Variants in EIPR1 observed in about 807,000 individuals in gnomAD.
EIPR1 encodes EARP and GARP complex-interacting protein 1.
Under a neutral mutation model 48.1 loss-of-function variants are expected in EIPR1, and 25 were observed. The observed-to-expected ratio is 0.52, with a 90% CI of 0.38 to 0.73. EIPR1 has a LOEUF of 0.73. Among genes scored for constraint, EIPR1 ranks in the 30% least tolerant of loss-of-function variants. The pLI is 0.00. For missense variants in EIPR1, 415 were observed against 506.2 expected (o/e 0.82, Z 1.73); for synonymous variants, 204 against 201.9 (o/e 1.01, Z -0.09).
At position 3,286,229 on chromosome 2, in the gene EIPR1, A is replaced by C. The variant is rs1668181373; in HGVS notation, c.260-28774T>G. On this transcript the variant is annotated intron_variant, in intron 3 of 8. Transcript: ENST00000382125. The surrounding 1 kb of genome is among the most constrained non-coding windows in gnomAD (Gnocchi z 4.2). The stretch of plus-strand genomic sequence containing the variant: ...AGCACAAAAGGTTGTTTTTATGCTA[A>C]TAAAAAAAAATAGGTTGGCCTCATT... Among the ~76,000 whole-genome samples the C allele has an allele frequency of 6.6e-6, 1 of 152,186 alleles. No homozygotes were observed. The highest frequency in any genetic ancestry group is 1.5e-5 in the Non-Finnish European group (1 of 68,028).
intron 1 of EIPR1, among the ~76,000 whole-genome samples, chr2:3,369,725 C>G (rs916658509): frequency 6.6e-6 from 1 of 152,230 alleles, no homozygotes; most frequent in Admixed American, 6.5e-5. Flanking sequence ...GTAAACAAAG[C>G]AGCCGGGAAG....
chr2:3,224,764 A>G (rs373044345), intron 4 of EIPR1, among the ~76,000 whole-genome samples: 3 of 152,218 alleles, frequency 2.0e-5, no homozygotes, highest in Admixed American at 6.5e-5. Flanking sequence ...CGAGCTGAAC[A>G]TCGGGCTCAC....
chr2:3,201,296 T>C (rs898660057), intron 5 of EIPR1, among the ~76,000 whole-genome samples: 28 of 152,260 alleles, frequency 1.8e-4, no homozygotes, highest in Admixed American at 5.2e-4. Context: ...GGAGGTAGAC[T>C]GGCACAGCCG....
chr2:3,248,399 G>A (rs1666905457), intron 4 of EIPR1, among the ~76,000 whole-genome samples: 1 of 152,228 alleles, frequency 6.6e-6, no homozygotes, highest in Admixed American at 6.5e-5. Flanking sequence ...TTCGAGACCA[G>A]CCTGGCCAAC....
In EIPR1 at chr2:3,189,137, G is replaced by A. The variant is rs975256543; in HGVS notation, c.*197C>T. On this transcript the variant is annotated 3_prime_UTR_variant, in exon 9 of 9. Coordinates refer to ENST00000382125, the MANE Select transcript of EIPR1 (RefSeq NM_003310.5). The surrounding 1 kb of genome is among the most constrained non-coding windows in gnomAD (Gnocchi z 4.6). ...CTCTGTCTCTGCCGACAGGGGCTGG[G>A]TTCGGGCATTAGCTGTGCCGTCGAC... The A allele has an allele frequency of 5.7e-5, 26 of 454,722 alleles. No individual in the cohort carries two copies. The highest frequency in any genetic ancestry group is 9.8e-5 in the Non-Finnish European group (26 of 265,816). The allele number at this position is 454,722 out of a possible 1,614,324, so 28.2% of individuals were successfully genotyped here.
At chr2:3,238,765 T>C (rs2103181324) in intron 4 of EIPR1, among the ~76,000 whole-genome samples, 1 of 152,374 alleles carries the variant, frequency 6.6e-6, no homozygotes, top group African/African-American at 2.4e-5. Context: ...AGGAGCTTGC[T>C]TTCCATGCTG....
At chr2:3,256,629 C>T (rs112537592) in intron 4 of EIPR1, among the ~76,000 whole-genome samples, 2,957 of 152,342 alleles carry the variant, frequency 0.019, 92 homozygotes, top group African/African-American at 0.068. Context: ...CAATCACTAT[C>T]GTTATTGTAA....
intron 3 of EIPR1, among the ~76,000 whole-genome samples, chr2:3,324,297 C>A (rs909104754): frequency 6.6e-6 from 1 of 152,136 alleles, no homozygotes; most frequent in Non-Finnish European, 1.5e-5. Flanking sequence ...ATTAACGGCC[C>A]CTGCAGGGAC....
At chr2:3,372,997 C>G (rs1328189001) in intron 1 of EIPR1, among the ~76,000 whole-genome samples, 7 of 152,174 alleles carry the variant, frequency 4.6e-5, no homozygotes, top group Non-Finnish European at 7.3e-5. Flanking sequence ...TACTGGCAAA[C>G]TGAATCCAGC....
intron 1 of EIPR1, chr2:3,377,318 C>T (rs1274305349): frequency 5.7e-6 from 2 of 350,468 alleles, no homozygotes; most frequent in East Asian, 8.8e-5. Flanking sequence ...ACATACAGTT[C>T]CTACCTTCAG....
intron 3 of EIPR1, among the ~76,000 whole-genome samples, chr2:3,270,943 T>C (rs965055466): frequency 1.4e-4 from 22 of 152,234 alleles, no homozygotes; most frequent in Non-Finnish European, 1.5e-5. Flanking sequence ...AAAATTGGAG[T>C]CAGTCCTTTA....
rs373365893 is a variant in EIPR1, at chr2:3,229,796, C to T, written c.417-15548G>A. 9.2e-5 allele frequency among the ~76,000 whole-genome samples: 14 copies of T among 152,326 alleles called. No individual in the cohort carries two copies. The South Asian group carries it at 1.7e-3, about 18-fold the overall frequency. On this transcript the variant is annotated intron_variant, in intron 4 of 8. Transcript: ENST00000382125. ...CATTACTTTCAGCACAGATCTTCAA[C>T]GGTTTATCCTTCTGTTTCTTCAGCT...
intron 4 of EIPR1, among the ~76,000 whole-genome samples, chr2:3,219,161 C>T (rs1665768591): frequency 6.7e-6 from 1 of 150,006 alleles, no homozygotes; most frequent in Admixed American, 6.6e-5. Flanking sequence ...GTCAGGTGGA[C>T]ACCCAACACG....
At chr2:3,205,775 T>A in intron 5 of EIPR1, among the ~76,000 whole-genome samples, 1 of 152,176 alleles carries the variant, frequency 6.6e-6, no homozygotes, top group East Asian at 1.9e-4. Flanking sequence ...ATTGGCAGGT[T>A]ACTTAGTCTC....
At chr2:3,202,072 G>A (rs1001061733) in intron 5 of EIPR1, among the ~76,000 whole-genome samples, 3 of 151,790 alleles carry the variant, frequency 2.0e-5, no homozygotes, top group African/African-American at 4.8e-5. Flanking sequence ...CGAGTAGCTG[G>A]GACTACAGGC....
At chr2:3,365,515 T>C (rs1395820994) in intron 1 of EIPR1, among the ~76,000 whole-genome samples, 1 of 150,788 alleles carries the variant, frequency 6.6e-6, no homozygotes, top group African/African-American at 2.4e-5. Flanking sequence ...TATTGATCAT[T>C]CTTGGGTGTT....
chr2:3,277,783 C>T (rs1667901238), intron 3 of EIPR1, among the ~76,000 whole-genome samples: 1 of 152,266 alleles, frequency 6.6e-6, no homozygotes. Context: ...GGGGCCCTGA[C>T]TGCTGCGAAC....
intron 1 of EIPR1, among the ~76,000 whole-genome samples, chr2:3,376,002 C>T (rs955069260): frequency 2.6e-5 from 4 of 152,046 alleles, no homozygotes; most frequent in African/African-American, 4.8e-5. Context: ...AGGCAGGGTG[C>T]GGTGGCTCAT....
chr2:3,377,439 A>T, intron 1 of EIPR1: 1 of 510,178 alleles, frequency 2.0e-6, no homozygotes, highest in Non-Finnish European at 3.4e-6. Context: ...AAGGGGAAGG[A>T]GGCAGGCCGG....
Sources: gnomAD v4.1 joint callset for allele counts (sites outside exome capture counted in the v4.1 genomes callset) on GRCh38, gnomAD v4.1.1 for gene constraint, Gnocchi (gnomAD v3.1) non-coding constraint, MANE v1.5 for transcripts, NCBI Gene and HGNC (gene_info 2026-07-23, HGNC 2026-07-21) for gene names.